NFYA: variants seen among roughly 807,000 people sequenced by gnomAD.
NFYA encodes the protein CAAT-box DNA binding protein subunit A.
NFYA carries 28 observed loss-of-function variants against 52.8 expected under a neutral mutation model. That is an observed-to-expected ratio of 0.53 (90% CI 0.39 to 0.73). NFYA has a LOEUF of 0.73. Ranked by LOEUF, NFYA falls within the 30% of genes least tolerant of loss-of-function variation. The pLI is 0.00. For synonymous variants in NFYA, 150 were observed against 150.7 expected (o/e 1.00, Z 0.03); for missense variants, 234 against 427.0 (o/e 0.55, Z 3.98).
Position 41,099,850 on chromosome 6 carries a change from A to G in NFYA, c.*2440A>G, listed in dbSNP as rs1764452563. On this transcript the variant is annotated 3_prime_UTR_variant, in exon 10 of 10. Transcript: ENST00000341376. The stretch of plus-strand genomic sequence containing the variant: ...TAGGGTGCCTGATAATAATGTCTTG[A>G]TTTTTCTTTGGGATTCAACTATATC... 6.6e-6 allele frequency: 1 copy of G among 151,630 alleles called. No homozygotes were observed. Among genetic ancestry groups the G allele is most frequent in the East Asian group, 1.9e-4 (1 of 5,148 alleles). The allele number at this position is 151,630 out of a possible 1,614,324, so 9.4% of individuals were successfully genotyped here.
At chr6:41,090,655 T>C (rs1338679364) in intron 6 of NFYA, among the ~76,000 whole-genome samples, 5 of 152,232 alleles carry the variant, frequency 3.3e-5, no homozygotes, top group African/African-American at 4.8e-5. Context: ...TTGCTGCTTA[T>C]GTTTTTTTCT....
intron 4 of NFYA, among the ~76,000 whole-genome samples, chr6:41,088,228 T>G (rs969088256): frequency 1.5e-4 from 22 of 151,600 alleles, no homozygotes; most frequent in African/African-American, 5.3e-4. Context: ...ACCATCCTGG[T>G]TAACACAGTG....
At chr6:41,092,800 A>G in intron 7 of NFYA, 112 bp from the exon 8 acceptor site, 1 of 1,105,084 alleles carries the variant, frequency 9.0e-7, no homozygotes. Flanking sequence ...AGTACCCTAT[A>G]AAAATTACTT....
In NFYA at chr6:41,101,122, G is replaced by GT. The variant is rs1764490979; in HGVS notation, c.*3712_*3713insT. 1 of 152,248 alleles carries GT rather than the reference G, an allele frequency of 6.6e-6. No individual in the cohort carries two copies. Among genetic ancestry groups the GT allele is most frequent in the Non-Finnish European group, 1.5e-5 (1 of 68,046 alleles). The allele number at this position is 152,248 out of a possible 1,614,324, so 9.4% of individuals were successfully genotyped here. ...CTACTGGTCTTTCGGAAGCCTCGGG[G>GT]ATGGGAACCCGAGCTCGCCACGGCC... On this transcript the variant is annotated 3_prime_UTR_variant, in exon 10 of 10. Coordinates refer to ENST00000341376, the MANE Select transcript of NFYA (RefSeq NM_002505.5).
At chr6:41,091,065 C>CA (rs1423942037) in intron 6 of NFYA, among the ~76,000 whole-genome samples, 1 of 152,214 alleles carries the variant, frequency 6.6e-6, no homozygotes, top group Non-Finnish European at 1.5e-5. Context: ...AACAAATCCT[C>CA]AAGTGCTGCT....
chr6:41,087,769 ATT>A (rs1376605012), intron 4 of NFYA, among the ~76,000 whole-genome samples: 1 of 152,210 alleles, frequency 6.6e-6, no homozygotes, highest in Non-Finnish European at 1.5e-5. Context: ...TACACCCAAC[ATT>A]TAAAGGGTTG....
At chr6:41,084,486 T>G (rs1763988239) in intron 4 of NFYA, among the ~76,000 whole-genome samples, 1 of 152,168 alleles carries the variant, frequency 6.6e-6, no homozygotes, top group African/African-American at 2.4e-5. Context: ...CAAAAATGAG[T>G]ATTTAGAAAG....
At chr6:41,075,749 C>G (rs546241401) in intron 1 of NFYA, 3 of 150,264 alleles carry the variant, frequency 2.0e-5, no homozygotes, top group Non-Finnish European at 4.4e-5. Flanking sequence ...TTTTTTAAGC[C>G]TTGTTGATTT....
At chr6:41,093,954 A>C (rs1460939395) in intron 8 of NFYA, among the ~76,000 whole-genome samples, 1 of 152,204 alleles carries the variant, frequency 6.6e-6, no homozygotes, top group Non-Finnish European at 1.5e-5. Context: ...GAGGAATTCA[A>C]GGCTGCAGTG....
intron 1 of NFYA, 127 bp downstream of exon 1, chr6:41,073,211 C>G (rs888504651): frequency 5.9e-5 from 9 of 151,970 alleles, no homozygotes; most frequent in Middle Eastern, 3.4e-3. Flanking sequence ...TGAGCCTAGC[C>G]GAGCCGGGCG....
chr6:41,074,694 T>C (rs1464226272), intron 1 of NFYA, among the ~76,000 whole-genome samples: 1 of 152,256 alleles, frequency 6.6e-6, no homozygotes, highest in African/African-American at 2.4e-5. Context: ...AAAATACTTG[T>C]ATATCTTGCT....
chr6:41,080,184 C>T (rs886928093), intron 2 of NFYA, among the ~76,000 whole-genome samples: 2 of 152,168 alleles, frequency 1.3e-5, no homozygotes, highest in African/African-American at 4.8e-5. Flanking sequence ...CATGGTGCTG[C>T]ATGCCTGTAA....
chr6:41,077,706 G>A (rs1490965732), intron 1 of NFYA, among the ~76,000 whole-genome samples: 1 of 152,064 alleles, frequency 6.6e-6, no homozygotes, highest in Non-Finnish European at 1.5e-5. Context: ...TCAGAAAACC[G>A]GTTTGTCATG....
At chr6:41,089,811 A>G in intron 5 of NFYA, 101 bp downstream of exon 5, 4 of 1,464,882 alleles carry the variant, frequency 2.7e-6, no homozygotes, top group South Asian at 1.4e-5. Flanking sequence ...AGAAAAGGGG[A>G]TGAAAACCAT....
At chr6:41,085,621 G>A (rs992985191) in intron 4 of NFYA, among the ~76,000 whole-genome samples, 4 of 152,056 alleles carry the variant, frequency 2.6e-5, no homozygotes, top group Admixed American at 2.6e-4. Context: ...TTTTCTGGAG[G>A]AATTTAAGTT....
rs201043226 is a variant in NFYA, at chr6:41,091,638, G to A, written c.658G>A (p.Val220Ile). ...TNTTSSGQGT[V>I]TVTLPVAGNV... The stretch of plus-strand genomic sequence containing the variant: ...CACAACCAGCAGTGGGCAAGGGACT[G>A]TCACTGTGACACTACCAGTGGCAGG... Residue 220 changes from valine to isoleucine, a missense_variant, in exon 7 of 10, where the codon GTC (valine) becomes ATC (isoleucine). By Grantham distance (29) the Val-to-Ile change is conservative (BLOSUM62 3). Around this residue, in one of 3 missense-constraint regions of NFYA, gnomAD observed 81 missense variants for 210.5 expected, o/e 0.38. Transcript: ENST00000341376. 6.2e-7 allele frequency: 1 copy of A among 1,614,226 alleles called. No individual in the cohort carries two copies.
chr6:41,082,365 A>G (rs1763933581), intron 3 of NFYA, among the ~76,000 whole-genome samples: 1 of 152,120 alleles, frequency 6.6e-6, no homozygotes. Context: ...AGTATTTTGG[A>G]TTGTCATTAA....
rs1231902612 is a variant in NFYA, at chr6:41,097,569, C to T, written c.*159C>T. ...AAGTGGCTCAGTATTACAATTGCAG[C>T]GATGCCTGGCAAATTGAAGTTGCAA... On this transcript the variant is annotated 3_prime_UTR_variant, in exon 10 of 10. Coordinates refer to ENST00000341376, the MANE Select transcript of NFYA (RefSeq NM_002505.5). 4.5e-6 allele frequency: 3 copies of T among 663,808 alleles called. No homozygotes were observed. The highest frequency in any genetic ancestry group is 4.0e-5 in the South Asian group (2 of 50,626). The allele number at this position is 663,808 out of a possible 1,614,324, so 41.1% of individuals were successfully genotyped here.
chr6:41,079,546 G>GT (rs962791471), intron 2 of NFYA, among the ~76,000 whole-genome samples: 3 of 152,102 alleles, frequency 2.0e-5, no homozygotes, highest in African/African-American at 7.2e-5. Context: ...TAAATCTTCT[G>GT]TTTTTTGATT....
Sources: gnomAD v4.1 joint callset for allele counts (sites outside exome capture counted in the v4.1 genomes callset) on GRCh38, gnomAD v4.1.1 for gene constraint, gnomAD v4.1.1 regional missense constraint, MANE v1.5 for transcripts, NCBI Gene and HGNC (gene_info 2026-07-23, HGNC 2026-07-21) for gene names.